SBK3: variants seen among roughly 807,000 people sequenced by gnomAD.
SBK3 encodes uncharacterized serine/threonine-protein kinase SBK3.
A neutral mutation model predicts 12.7 loss-of-function variants in SBK3; 16 were observed. That is an observed-to-expected ratio of 1.26 (90% confidence interval 0.86 to 1.92). The LOEUF is 1.92. SBK3 is among the 40% of genes most tolerant of loss of function. The probability of loss-of-function intolerance (pLI) is 0.00; values close to 1 mark genes in which losing one functional copy is unlikely to be tolerated. For missense variants in SBK3, 462 were observed against 481.8 expected (o/e 0.96, Z 0.38); for synonymous variants, 217 against 213.6 (o/e 1.02, Z -0.14).
Position 55,544,321 on chromosome 19 carries a change from G to A in SBK3, c.197-19C>T, listed in dbSNP as rs1389079419. ...GCTGGACCTGCCAGGGAGATGGGTC[G>A]GAGGGACACTCAGGCGGCTCCAGTC... On this transcript the variant is annotated intron_variant, in intron 2 of 3. Coordinates refer to ENST00000612221, the MANE Select transcript of SBK3 (RefSeq NM_001199824.2). 34 of 1,530,130 alleles carry A rather than the reference G, an allele frequency of 2.2e-5. No homozygotes were observed. The highest frequency in any genetic ancestry group is 2.5e-5 in the Non-Finnish European group (28 of 1,142,670). The allele number at this position is 1,530,130 out of a possible 1,614,324, so 94.8% of individuals were successfully genotyped here.
rs1019551769 is a variant in SBK3, at chr19:55,541,210, C to G, written c.716G>C (p.Cys239Ser). 6.5e-7 allele frequency: 1 copy of G among 1,535,976 alleles called. No individual in the cohort carries two copies. Among genetic ancestry groups the G allele is most frequent in the African/African-American group, 1.4e-5 (1 of 73,062 alleles). ...GVLLFCAATA[C>S]FPWDVALAPN... ...GGCCAGTGCCACGTCCCAAGGGAAA[C>G]AGGCAGTGGCAGCACAGAAGAGAAG... is the stretch of plus-strand genomic sequence containing the variant. The change falls in exon 4 of 4, where the codon TGT becomes TCT. Residue 239 changes from cysteine to serine, a missense_variant. By Grantham distance (112) the Cys-to-Ser change is moderately radical. Transcript: ENST00000612221. This position sits in a 1 kb window ranked among gnomAD's most constrained non-coding sequence, Gnocchi z 5.3.
chr19:55,542,009 A>G (rs1015486370), intron 3 of SBK3, among the ~76,000 whole-genome samples: 6 of 152,226 alleles, frequency 3.9e-5, no homozygotes, highest in Non-Finnish European at 7.3e-5. Flanking sequence ...TTGTAAACTG[A>G]CCATCCAGAT....
Position 55,545,030 on chromosome 19 carries a change from C to T in SBK3, c.46-81G>A. On this transcript the variant is annotated intron_variant, in intron 1 of 3. Transcript: ENST00000612221. This position sits in a 1 kb window ranked among gnomAD's most constrained non-coding sequence, Gnocchi z 4.4. Reference sequence around the variant, plus strand: ...TGGGGGAGGAGGTCACGGCGCAGCCCCAGGATGGAGGGTGGGGCAGGGGAC... The same window carrying T: ...TGGGGGAGGAGGTCACGGCGCAGCCTCAGGATGGAGGGTGGGGCAGGGGAC... 1 of 1,124,496 alleles carries T rather than the reference C, an allele frequency of 8.9e-7. No individual in the cohort carries two copies. Among genetic ancestry groups the T allele is most frequent in the Non-Finnish European group, 1.2e-6 (1 of 805,936 alleles). The allele number at this position is 1,124,496 out of a possible 1,614,324, so 69.7% of individuals were successfully genotyped here.
chr19:55,544,860 G>A lies in SBK3; in HGVS notation c.135C>T (p.Leu45=). The A allele has an allele frequency of 6.5e-7, 1 of 1,533,484 alleles. No homozygotes were observed. The highest frequency in any genetic ancestry group is 2.5e-5 in the East Asian group (1 of 40,642). The allele number at this position is 1,533,484 out of a possible 1,614,324, so 95.0% of individuals were successfully genotyped here. Residue 45 remains leucine, a synonymous_variant, in exon 2 of 4, where the codon CTC becomes CTT. Coordinates refer to ENST00000612221, the MANE Select transcript of SBK3 (RefSeq NM_001199824.2). ...AGGAGCCGGAGCCCAGCTTCCGGAT[G>A]AGGTGGTACTGGTCCCGAAGGCTCC... The part of the protein sequence containing the change: ...PVRSLRDQYH[L]IRKLGSGSYG...
rs1482053864 is a variant in SBK3, at chr19:55,545,474, TCCTC to T, written c.45+21_45+24del. On this transcript the variant is annotated intron_variant, in intron 1 of 3. Coordinates refer to ENST00000612221, the MANE Select transcript of SBK3 (RefSeq NM_001199824.2). The surrounding 1 kb of genome is among the most constrained non-coding windows in gnomAD (Gnocchi z 4.4). Reference sequence around the variant, plus strand: ...CTCTCCTTCTTTTCTCTCTCTGTCTTCCTCCCCTGGCTCCCGTCTCTCACCTCTG... The same window carrying T: ...CTCTCCTTCTTTTCTCTCTCTGTCTTCCCTGGCTCCCGTCTCTCACCTCTG... 6.6e-7 allele frequency: 1 copy of T among 1,511,752 alleles called. No individual in the cohort carries two copies. The highest frequency in any genetic ancestry group is 8.9e-7 in the Non-Finnish European group (1 of 1,125,912). 93.6% of individuals were successfully genotyped at this position (1,511,752 alleles called of 1,614,324 possible). A position where few individuals can be genotyped will look rare whatever the true frequency, so the allele number is the denominator to read the frequency against.
chr19:55,543,538 A>G (rs2123493256), intron 3 of SBK3, among the ~76,000 whole-genome samples: 1 of 151,730 alleles, frequency 6.6e-6, no homozygotes, highest in Non-Finnish European at 1.5e-5. Context: ...CAAATCCAAA[A>G]TCTATTCCTG....
In SBK3 at chr19:55,541,280, T is replaced by C; in HGVS notation, c.646A>G (p.Thr216Ala). 6.5e-7 allele frequency: 1 copy of C among 1,535,702 alleles called. No individual in the cohort carries two copies. Among genetic ancestry groups the C allele is most frequent in the Non-Finnish European group, 8.7e-7 (1 of 1,146,768 alleles). The change falls in exon 4 of 4, where the codon ACC (threonine) becomes GCC (alanine). Residue 216 changes from threonine (T) to alanine (A), a missense_variant. Physicochemically the swap from Thr to Ala is moderately conservative, Grantham distance 58. Transcript: ENST00000612221. The surrounding 1 kb of genome is among the most constrained non-coding windows in gnomAD (Gnocchi z 5.3). ...PELCLLLPPD[T>A]LPLRPAVDSW... is the part of the protein sequence containing the mutation. ...TCCACGGCTGGCCGCAGAGGCAGGG[T>C]GTCGGGCGGTAGCAGGAGACAGAGC... is the stretch of plus-strand genomic sequence containing the variant.
Position 55,545,017 on chromosome 19 carries a change from T to G in SBK3, c.46-68A>C. The G allele has an allele frequency of 8.3e-7, 1 of 1,211,488 alleles. No individual in the cohort carries two copies. Among genetic ancestry groups the G allele is most frequent in the Non-Finnish European group, 1.1e-6 (1 of 880,346 alleles). The allele number at this position is 1,211,488 out of a possible 1,614,324, so 75.0% of individuals were successfully genotyped here. On this transcript the variant is annotated intron_variant, in intron 1 of 3. Transcript: ENST00000612221. The surrounding 1 kb of genome is among the most constrained non-coding windows in gnomAD (Gnocchi z 4.4). Reference sequence around the variant, plus strand: ...CCACTGAGAGTGGTGGGGGAGGAGGTCACGGCGCAGCCCCAGGATGGAGGG... The same window carrying G: ...CCACTGAGAGTGGTGGGGGAGGAGGGCACGGCGCAGCCCCAGGATGGAGGG...
chr19:55,544,708 C>T (rs1485321591), intron 2 of SBK3, 91 bp downstream of exon 2: 1 of 1,286,488 alleles, frequency 7.8e-7, no homozygotes, highest in African/African-American at 1.5e-5. Flanking sequence ...TCCCCATCAG[C>T]TCCTCCTGGG....
rs1262308086 is a variant in SBK3, at chr19:55,541,437, A to G, written c.489T>C (p.Asp163=). ...AGACCAGCACGTTGTCAGGTTTGACATCTGCGTGGACCAGCCCCCGGCTGT... is the reference window on the plus strand; with the variant it reads ...AGACCAGCACGTTGTCAGGTTTGACGTCTGCGTGGACCAGCCCCCGGCTGT... ...FLHSRGLVHA[D]VKPDNVLVFD... is the part of the protein sequence containing the mutation. Residue 163 remains aspartate (D), a synonymous_variant, in exon 4 of 4, where the codon GAT becomes GAC. Coordinates refer to ENST00000612221, the MANE Select transcript of SBK3 (RefSeq NM_001199824.2). The surrounding 1 kb of genome is among the most constrained non-coding windows in gnomAD (Gnocchi z 5.3). 11 of 1,535,804 alleles carry G rather than the reference A, an allele frequency of 7.2e-6. No individual in the cohort carries two copies. The South Asian group carries it at 9.5e-5, about 13-fold the overall frequency.
At chr19:55,544,438 G>A (rs1988627612) in intron 2 of SBK3, 136 bp from the exon 3 acceptor site, 1 of 732,524 alleles carries the variant, frequency 1.4e-6, no homozygotes, top group South Asian at 1.9e-5. Context: ...AAGTGTGGGT[G>A]GGAGGAGACC....
chr19:55,545,472 C>T lies in SBK3; in HGVS notation c.45+27G>A. On this transcript the variant is annotated intron_variant, in intron 1 of 3. Coordinates refer to ENST00000612221, the MANE Select transcript of SBK3 (RefSeq NM_001199824.2). This position sits in a 1 kb window ranked among gnomAD's most constrained non-coding sequence, Gnocchi z 4.4. ...CTCTCTCCTTCTTTTCTCTCTCTGT[C>T]TTCCTCCCCTGGCTCCCGTCTCTCA... 1.3e-6 allele frequency: 2 copies of T among 1,508,328 alleles called. No individual in the cohort carries two copies. Among genetic ancestry groups the T allele is most frequent in the Non-Finnish European group, 1.8e-6 (2 of 1,122,438 alleles). 93.4% of individuals were successfully genotyped at this position (1,508,328 alleles called of 1,614,324 possible).
At position 55,540,907 on chromosome 19, in the gene SBK3, GT is replaced by G. The variant is rs1988545539; in HGVS notation, c.1018del (p.Thr340GlnfsTer?). 1 of 1,536,054 alleles carries G rather than the reference GT, an allele frequency of 6.5e-7. No individual in the cohort carries two copies. Among genetic ancestry groups the G allele is most frequent in the African/African-American group, 1.4e-5 (1 of 73,006 alleles). ...ACTTTTGCTGTCATCACCCTCATCT[GT>G]CCACTCCTCCAGGCTTGAGCCTCCC... ...EEGGSSLEEWTDEGDDSKSGG... is the reference protein window; with the variant it reads ...EEGGSSLEEWXDEGDDSKSGG... On this transcript the variant is annotated frameshift_variant, in exon 4 of 4. Transcript: ENST00000612221. LOFTEE classifies it low-confidence loss of function (END_TRUNC).
chr19:55,544,339 C>T, intron 2 of SBK3, 37 bp from the exon 3 acceptor site: 1 of 1,492,796 alleles, frequency 6.7e-7, no homozygotes, highest in African/African-American at 1.4e-5. Context: ...ACTCAGGCGG[C>T]TCCAGTCCTG....
At position 55,544,867 on chromosome 19, in the gene SBK3, T is replaced by C. The variant is rs1420584960; in HGVS notation, c.128A>G (p.Tyr43Cys). The change falls in exon 2 of 4, where the codon TAC (tyrosine) becomes TGC (cysteine). Residue 43 changes from tyrosine to cysteine, a missense_variant. Coordinates refer to ENST00000612221, the MANE Select transcript of SBK3 (RefSeq NM_001199824.2). Reference protein sequence around the residue: ...VTPVRSLRDQYHLIRKLGSGS... With the variant: ...VTPVRSLRDQCHLIRKLGSGS... ...GGAGCCCAGCTTCCGGATGAGGTGG[T>C]ACTGGTCCCGAAGGCTCCTCACCGG... 6.5e-7 allele frequency: 1 copy of C among 1,534,190 alleles called. No individual in the cohort carries two copies. The highest frequency in any genetic ancestry group is 8.7e-7 in the Non-Finnish European group (1 of 1,146,390).
chr19:55,543,784 C>T (rs2123493522), intron 3 of SBK3, among the ~76,000 whole-genome samples: 1 of 152,266 alleles, frequency 6.6e-6, no homozygotes, highest in Non-Finnish European at 1.5e-5. Context: ...CCCATGCCCA[C>T]ACCCTAACCT....
At position 55,541,097 on chromosome 19, in the gene SBK3, G is replaced by T. The variant is rs376554669; in HGVS notation, c.829C>A (p.Pro277Thr). Residue 277 changes from proline to threonine, a missense_variant, in exon 4 of 4, where the codon CCC (proline) becomes ACC (threonine). By Grantham distance (38) the Pro-to-Thr change is conservative (BLOSUM62 -1). Transcript: ENST00000612221. This position sits in a 1 kb window ranked among gnomAD's most constrained non-coding sequence, Gnocchi z 5.3. ...CCCTGGAGCAAGGCCAGGGCTGGGG[G>T]CGCAAACTGGTCCCAGGGTGGTGGT... ...QPPPPWDQFAPPALALLQGLL... is the reference protein window; with the variant it reads ...QPPPPWDQFATPALALLQGLL... 7.8e-6 allele frequency: 12 copies of T among 1,535,782 alleles called. No individual in the cohort carries two copies. Among genetic ancestry groups the T allele is most frequent in the South Asian group, 5.9e-5 (5 of 84,048 alleles).
Position 55,540,948 on chromosome 19 carries a change from A to C in SBK3, c.978T>G (p.Tyr326Ter), listed in dbSNP as rs1431523102. 2 of 1,535,674 alleles carry C rather than the reference A, an allele frequency of 1.3e-6. No individual in the cohort carries two copies. The highest frequency in any genetic ancestry group is 1.7e-6 in the Non-Finnish European group (2 of 1,146,634). ...GPGVLGSAVS[Y>*]EDREEGGSSL... ...TTGAGCCTCCCTCCTCCCTGTCCTCATAGGACACGGCGCTCCCCAAAACCC... is the reference window on the plus strand; with the variant it reads ...TTGAGCCTCCCTCCTCCCTGTCCTCCTAGGACACGGCGCTCCCCAAAACCC... Residue 326 changes from tyrosine to a stop codon, truncating the protein, a stop_gained, in exon 4 of 4, where the codon TAT (tyrosine) becomes TAG (stop). Coordinates refer to ENST00000612221, the MANE Select transcript of SBK3 (RefSeq NM_001199824.2). LOFTEE classifies it low-confidence loss of function (END_TRUNC).
chr19:55,541,517 C>T lies in SBK3; in HGVS notation c.409G>A (p.Glu137Lys). Residue 137 changes from glutamate to lysine, a missense_variant, in exon 4 of 4, where the codon GAA (glutamate) becomes AAA (lysine). Coordinates refer to ENST00000612221, the MANE Select transcript of SBK3 (RefSeq NM_001199824.2). This position sits in a 1 kb window ranked among gnomAD's most constrained non-coding sequence, Gnocchi z 5.3. ...SGMLQERGLPELLVKRVVAQL... is the reference protein window; with the variant it reads ...SGMLQERGLPKLLVKRVVAQL... Reference sequence around the variant, plus strand: ...GCCACCACCCGCTTCACCAGCAGTTCTGGGAGGCCCTGAGGTCAAGAAGAC... The same window carrying T: ...GCCACCACCCGCTTCACCAGCAGTTTTGGGAGGCCCTGAGGTCAAGAAGAC... 6.6e-7 allele frequency: 1 copy of T among 1,512,504 alleles called. No individual in the cohort carries two copies. The highest frequency in any genetic ancestry group is 8.8e-7 in the Non-Finnish European group (1 of 1,131,794). 93.7% of individuals were successfully genotyped at this position (1,512,504 alleles called of 1,614,324 possible).
Sources: allele counts gnomAD v4.1 joint callset (sites outside exome capture counted in the v4.1 genomes callset), GRCh38; gene constraint gnomAD v4.1.1; non-coding constraint Gnocchi (gnomAD v3.1); transcripts MANE v1.5; gene names NCBI Gene and HGNC (gene_info 2026-07-23, HGNC 2026-07-21).